DNAH11: variants seen among roughly 807,000 people sequenced by gnomAD.
DNAH11 encodes the protein dynein axonemal heavy chain 11, also known as axonemal beta dynein heavy chain 11.
DNAH11 carries 442 observed loss-of-function variants against 526.0 expected under a neutral mutation model. That is an observed-to-expected ratio of 0.84 (90% CI 0.78 to 0.91). The LOEUF is 0.91. Ranked by LOEUF, DNAH11 falls within the 40% of genes least tolerant of loss-of-function variation. The probability of loss-of-function intolerance (pLI) is 0.00; values close to 1 mark genes in which losing one functional copy is unlikely to be tolerated. For synonymous variants in DNAH11, 2,461 were observed against 1,935.9 expected, an observed-to-expected ratio of 1.27 and a Z score of -7.12; for missense variants, 6,989 against 5,448.7, an observed-to-expected ratio of 1.28 and a Z score of -8.90.
intron 64 of DNAH11, 90 bp downstream of exon 64, chr7:21,816,792 C>A: frequency 1.0e-6 from 1 of 982,752 alleles, no homozygotes; most frequent in Non-Finnish European, 1.6e-6. Flanking sequence ...TTAGACCTCT[C>A]CACCACATTG....
intron 12 of DNAH11, 94 bp from the exon 13 acceptor site, chr7:21,590,824 T>C: frequency 2.5e-6 from 2 of 788,598 alleles, no homozygotes; most frequent in Non-Finnish European, 1.8e-6. Flanking sequence ...TAGTAATACT[T>C]GGATAACATC....
intron 8 of DNAH11, among the ~76,000 whole-genome samples, chr7:21,574,909 C>G (rs1419343848): frequency 1.8e-5 from 2 of 108,166 alleles, no homozygotes; most frequent in East Asian, 6.9e-4. Context: ...CAGTTTCACT[C>G]TGTCACCCAA....
rs539660611 is a variant in DNAH11, at chr7:21,595,033, A to G, written c.2667+3456A>G. Among the ~76,000 whole-genome samples, 23 of 152,260 alleles carry G rather than the reference A, an allele frequency of 1.5e-4. No homozygotes were observed. In the Middle Eastern group the frequency reaches 0.014, roughly 90 times the overall value. ...TGGTAGGTTGCCATTCTTACTAGTA[A>G]TCTAGGGGTTCCGTATGTTCAGGCT... On this transcript the variant is annotated intron_variant, in intron 14 of 81. Coordinates refer to ENST00000409508, the MANE Select transcript of DNAH11 (RefSeq NM_001277115.2).
At chr7:21,783,792 A>T (rs1788058281) in intron 57 of DNAH11, among the ~76,000 whole-genome samples, 1 of 152,194 alleles carries the variant, frequency 6.6e-6, no homozygotes, top group Admixed American at 6.5e-5. Context: ...AGTGGGTATC[A>T]GTGTTATTGT....
At chr7:21,593,611 C>T (rs918604081) in intron 14 of DNAH11, among the ~76,000 whole-genome samples, 9 of 152,008 alleles carry the variant, frequency 5.9e-5, no homozygotes, top group African/African-American at 1.9e-4. Flanking sequence ...TGTCTTTAGA[C>T]AGGAGCGCGG....
At position 21,717,581 on chromosome 7, in the gene DNAH11, G is replaced by A. The variant is rs577948813; in HGVS notation, c.6984-194G>A. ...GTTTCTTTTACAGTCTTTTCATTAA[G>A]GTAAAATGGCCATTAAAACAAGTTT... is the stretch of plus-strand genomic sequence containing the variant. On this transcript the variant is annotated intron_variant, in intron 42 of 81. Coordinates refer to ENST00000409508, the MANE Select transcript of DNAH11 (RefSeq NM_001277115.2). Among the ~76,000 whole-genome samples the A allele has an allele frequency of 2.6e-5, 4 of 152,096 alleles. No individual in the cohort carries two copies. In the East Asian group the frequency reaches 7.7e-4, roughly 29 times the overall value.
In DNAH11 at chr7:21,901,754, GGCCTCCA is replaced by G. The variant is rs1225423837; in HGVS notation, c.*502_*508del. The G allele has an allele frequency of 1.6e-5, 1 of 63,590 alleles. No individual in the cohort carries two copies. The highest frequency in any genetic ancestry group is 3.1e-5 in the African/African-American group (1 of 32,502). 3.9% of individuals were successfully genotyped at this position (63,590 alleles called of 1,614,324 possible). On this transcript the variant is annotated 3_prime_UTR_variant, in exon 82 of 82. Transcript: ENST00000409508. ...GAAGGAAGAGGCTAGCACTCTGTAA[GGCCTCCA>G]GTGTCCAGTGTCTACAATGTTGATG... is the stretch of plus-strand genomic sequence containing the variant.
intron 45 of DNAH11, among the ~76,000 whole-genome samples, chr7:21,731,772 C>T (rs1785397621): frequency 1.3e-5 from 2 of 152,122 alleles, no homozygotes; most frequent in Admixed American, 1.3e-4. Context: ...TGCCGCCCCA[C>T]TTTATCCCAC....
intron 74 of DNAH11, among the ~76,000 whole-genome samples, chr7:21,874,334 T>TGTTTG (rs1554291356): frequency 2.4e-4 from 36 of 151,352 alleles, no homozygotes; most frequent in East Asian, 3.9e-4. Context: ...CATGGTTTTT[T>TGTTTG]TTTGTTTTTG....
chr7:21,573,351 C>T (rs1783966883), intron 8 of DNAH11, among the ~76,000 whole-genome samples: 1 of 152,166 alleles, frequency 6.6e-6, no homozygotes, highest in African/African-American at 2.4e-5. Flanking sequence ...TGGTTGGAGA[C>T]ATCATAACCT....
chr7:21,589,539 T>G, intron 12 of DNAH11, 136 bp downstream of exon 12: 5 of 655,074 alleles, frequency 7.6e-6, no homozygotes, highest in Non-Finnish European at 9.9e-6. Context: ...AACAATTTCT[T>G]ACAGGTCTTC....
chr7:21,656,611 G>A (rs1406565187), intron 29 of DNAH11, among the ~76,000 whole-genome samples: 1 of 152,146 alleles, frequency 6.6e-6, no homozygotes, highest in African/African-American at 2.4e-5. Context: ...GTGTTCAGAT[G>A]ATTTAGGGGA....
At chr7:21,867,799 T>C in intron 71 of DNAH11, 60 bp from the exon 72 acceptor site, 1 of 1,504,688 alleles carries the variant, frequency 6.6e-7, no homozygotes, top group Non-Finnish European at 9.1e-7. Context: ...CTTATCCAAA[T>C]GGTGACTCTT....
Position 21,690,729 on chromosome 7 carries a change from A to C in DNAH11, c.5925-36A>C, listed in dbSNP as rs764879679. 39 of 1,479,516 alleles carry C rather than the reference A, an allele frequency of 2.6e-5. No homozygotes were observed. In the East Asian group the frequency reaches 8.5e-4, roughly 32 times the overall value. The allele number at this position is 1,479,516 out of a possible 1,614,324, so 91.6% of individuals were successfully genotyped here. On this transcript the variant is annotated intron_variant, in intron 34 of 81. Transcript: ENST00000409508. ...GTCAATGTGCATTCATATTCAATGA[A>C]CACATTTAATTTCATCAACATTCTT... is the stretch of plus-strand genomic sequence containing the variant.
intron 65 of DNAH11, 137 bp from the exon 66 acceptor site, chr7:21,842,407 T>C (rs890317423): frequency 8.0e-6 from 5 of 623,742 alleles, no homozygotes; most frequent in South Asian, 3.1e-5. Flanking sequence ...TTAGGAAATT[T>C]GGGAGTAGCT....
intron 2 of DNAH11, among the ~76,000 whole-genome samples, chr7:21,556,409 T>G (rs964544746): frequency 5.9e-5 from 9 of 152,360 alleles, no homozygotes; most frequent in Admixed American, 3.9e-4. Context: ...TGAATAACTT[T>G]AATTTTCTTT....
intron 49 of DNAH11, among the ~76,000 whole-genome samples, chr7:21,744,223 G>A (rs773046150): frequency 5.3e-5 from 8 of 152,222 alleles, no homozygotes; most frequent in African/African-American, 7.2e-5. Flanking sequence ...GGTCTTACTC[G>A]CATACCTAAA....
chr7:21,718,155 T>C (rs528903388), intron 43 of DNAH11, among the ~76,000 whole-genome samples: 2 of 149,722 alleles, frequency 1.3e-5, no homozygotes, highest in African/African-American at 4.9e-5. Flanking sequence ...CTTTTCACAA[T>C]CTTGTGAAAG....
At chr7:21,559,551 T>C (rs1243039718) in intron 3 of DNAH11, 52 bp from the exon 4 acceptor site, 1 of 1,408,040 alleles carries the variant, frequency 7.1e-7, no homozygotes, top group Non-Finnish European at 9.7e-7. Flanking sequence ...AGTCTATGTC[T>C]TTGGATAAAA....
Sources: allele counts gnomAD v4.1 joint callset (sites outside exome capture counted in the v4.1 genomes callset), GRCh38; gene constraint gnomAD v4.1.1; transcripts MANE v1.5; gene names NCBI Gene and HGNC (gene_info 2026-07-23, HGNC 2026-07-21).